Variants in CEP57L1 observed in about 807,000 individuals in gnomAD.
CEP57L1 encodes centrosomal protein CEP57L1.
A neutral mutation model predicts 61.0 loss-of-function variants in CEP57L1; 37 were observed. That is an observed-to-expected ratio of 0.61 (90% CI 0.47 to 0.80). The LOEUF (loss-of-function observed/expected upper bound fraction) is 0.80. CEP57L1 is among the 30% of genes least tolerant of loss of function. The pLI is 0.00. For synonymous variants in CEP57L1, 137 were observed against 162.3 expected, an observed-to-expected ratio of 0.84 and a Z score of 1.19; for missense variants, 422 against 524.7, an observed-to-expected ratio of 0.80 and a Z score of 1.91.
In CEP57L1 at chr6:109,171,803, C is replaced by T. The variant is rs1240339502; in HGVS notation, c.*8833C>T. ...CAGTTTCCTCAGATAATCATCATAT[C>T]AGAGGTCATCATGTATCCTTAGATA... On this transcript the variant is annotated 3_prime_UTR_variant, in exon 11 of 11. Transcript: ENST00000517392. 6.6e-6 allele frequency among the ~76,000 whole-genome samples: 1 copy of T among 152,200 alleles called. No individual in the cohort carries two copies. Among genetic ancestry groups the T allele is most frequent in the Admixed American group, 6.5e-5 (1 of 15,280 alleles).
At chr6:109,136,953 G>A (rs1430537957) in intron 1 of CEP57L1, among the ~76,000 whole-genome samples, 1 of 151,986 alleles carries the variant, frequency 6.6e-6, no homozygotes, top group African/African-American at 2.4e-5. Flanking sequence ...GTTTCTCCAT[G>A]TTGGCCAGGC....
rs148795928 is a variant in CEP57L1 at position 109,128,714 on chromosome 6, T to C, written c.-3-16505T>C. On this transcript the variant is annotated intron_variant, in intron 1 of 10. Transcript: ENST00000517392. ...TTTTTTACTGCCAACATTTATTCAC[T>C]ATACTCCAAACAAATTCACTAGGAT... Among the ~76,000 whole-genome samples, 89 of 152,364 alleles carry C rather than the reference T, an allele frequency of 5.8e-4. 6 individuals carry two copies. In the East Asian group the frequency reaches 9.0e-3, roughly 15 times the overall value.
At chr6:109,113,168 A>T (rs557891919) in intron 1 of CEP57L1, among the ~76,000 whole-genome samples, 53 of 152,264 alleles carry the variant, frequency 3.5e-4, no homozygotes, top group African/African-American at 1.1e-3. Flanking sequence ...GTCTCTAAGA[A>T]CTTGCTTTAT....
At chr6:109,100,672 C>CAAAAAAAAAAAAAAAA (rs539993641) in intron 1 of CEP57L1, among the ~76,000 whole-genome samples, 2 of 74,048 alleles carry the variant, frequency 2.7e-5, no homozygotes, top group Non-Finnish European at 2.6e-5. Context: ...GAGATTGTCT[C>CAAAAAAAAAAAAAAAA]AAAAAAAAAA....
upstream of CEP57L1, chr6:109,095,368 T>G: frequency 8.1e-6 from 8 of 985,890 alleles, no homozygotes; most frequent in Non-Finnish European, 9.6e-6. Flanking sequence ...ACCCTAAAAG[T>G]AGTGACGGCC....
At chr6:109,117,947 T>C (rs1772494801) in intron 1 of CEP57L1, among the ~76,000 whole-genome samples, 2 of 152,226 alleles carry the variant, frequency 1.3e-5, no homozygotes, top group African/African-American at 4.8e-5. Context: ...GTAAGTTAAA[T>C]AAGCACATTG....
chr6:109,145,162 G>A, intron 1 of CEP57L1, 57 bp from the exon 2 acceptor site: 2 of 1,085,050 alleles, frequency 1.8e-6, no homozygotes, highest in Non-Finnish European at 2.5e-6. Flanking sequence ...TTTGTATAAT[G>A]CATTTACCCT....
intron 5 of CEP57L1, 65 bp downstream of exon 5, chr6:109,154,014 T>A (rs1327934439): frequency 1.2e-6 from 1 of 829,960 alleles, no homozygotes; most frequent in African/African-American, 1.7e-5. Context: ...ATTGGTATTT[T>A]ATGTGAATGT....
intron 1 of CEP57L1, among the ~76,000 whole-genome samples, chr6:109,124,534 A>C (rs755367804): frequency 6.6e-6 from 1 of 152,244 alleles, no homozygotes; most frequent in Non-Finnish European, 1.5e-5. Flanking sequence ...TCTGTGCCAC[A>C]GTTTCCTCAT....
chr6:109,152,436 G>A (rs1158804948), intron 4 of CEP57L1, among the ~76,000 whole-genome samples: 1 of 152,112 alleles, frequency 6.6e-6, no homozygotes, highest in Non-Finnish European at 1.5e-5. Flanking sequence ...ACCCACCTTG[G>A]CCTCCCAAAG....
Position 109,173,268 on chromosome 6 carries a change from A to T in CEP57L1, c.*10298A>T, listed in dbSNP as rs1341557123. ...CAAGTTATATTAATAATTTTTATTA[A>T]TTTTTTTCCTGAATCCTAAAAGGTC... On this transcript the variant is annotated 3_prime_UTR_variant, in exon 11 of 11. Transcript: ENST00000517392. Among the ~76,000 whole-genome samples, 11 of 151,858 alleles carry T rather than the reference A, an allele frequency of 7.2e-5. No homozygotes were observed. Among genetic ancestry groups the T allele is most frequent in the Admixed American group, 6.6e-4 (10 of 15,234 alleles).
In CEP57L1 at chr6:109,158,598, A is replaced by T. The variant is rs770553148; in HGVS notation, c.745-427A>T. The stretch of plus-strand genomic sequence containing the variant: ...TGTGAACATAAGTTTTCATTTTTCT[A>T]GGATAAATGCGTAAGAGAACAATTG... On this transcript the variant is annotated intron_variant, in intron 7 of 10. Coordinates refer to ENST00000517392, the MANE Select transcript of CEP57L1 (RefSeq NM_001271852.3). 11 of 455,864 alleles carry T rather than the reference A, an allele frequency of 2.4e-5. 1 individual carries two copies. Among genetic ancestry groups the T allele is most frequent in the South Asian group, 1.7e-4 (11 of 64,120 alleles). The allele number at this position is 455,864 out of a possible 1,614,324, so 28.2% of individuals were successfully genotyped here. A position where few individuals can be genotyped will look rare whatever the true frequency, so the allele number is the denominator to read the frequency against.
intron 1 of CEP57L1, 115 bp from the exon 2 acceptor site, chr6:109,145,104 A>G (rs1357734524): frequency 5.2e-6 from 3 of 571,568 alleles, no homozygotes; most frequent in Admixed American, 6.0e-5. Flanking sequence ...GTTCATAAAG[A>G]TACAACTCCA....
chr6:109,107,154 T>G (rs1187859182), intron 1 of CEP57L1, among the ~76,000 whole-genome samples: 1 of 152,212 alleles, frequency 6.6e-6, no homozygotes, highest in African/African-American at 2.4e-5. Context: ...GCAACTTTTG[T>G]GAACCTAATA....
Position 109,120,912 on chromosome 6 carries a change from GCACACACACACACACA to G in CEP57L1, c.-3-24276_-3-24261del, listed in dbSNP as rs71747421. On this transcript the variant is annotated intron_variant, in intron 1 of 10. Transcript: ENST00000517392. ...AGAAAATTCCTATACTTAGACACAC[GCACACACACACACACA>G]CACACACACACACACACACACACAC... Among the ~76,000 whole-genome samples, 895 of 133,552 alleles carry G rather than the reference GCACACACACACACACA, an allele frequency of 6.7e-3. 5 individuals carry two copies. Among genetic ancestry groups the G allele is most frequent in the South Asian group, 0.038 (153 of 4,058 alleles). 87.6% of individuals were successfully genotyped at this position (133,552 alleles called of 152,430 possible). A position where few individuals can be genotyped will look rare whatever the true frequency, so the allele number is the denominator to read the frequency against.
At chr6:109,143,048 G>A (rs868380812) in intron 1 of CEP57L1, among the ~76,000 whole-genome samples, 34 of 145,652 alleles carry the variant, frequency 2.3e-4, no homozygotes, top group Middle Eastern at 3.5e-3. Context: ...GGCCAAAACT[G>A]TGTTAGCAAT....
chr6:109,148,954 G>T (rs1172223872), intron 3 of CEP57L1, among the ~76,000 whole-genome samples: 1 of 152,128 alleles, frequency 6.6e-6, no homozygotes, highest in Non-Finnish European at 1.5e-5. Context: ...TCGCCCACTT[G>T]TTGATGGGGC....
chr6:109,137,477 T>A (rs1355669769), intron 1 of CEP57L1, among the ~76,000 whole-genome samples: 1 of 152,082 alleles, frequency 6.6e-6, no homozygotes, highest in Admixed American at 6.5e-5. Context: ...AATTTTTGTA[T>A]TTTTAGTAGA....
At chr6:109,141,284 C>T (rs572813551) in intron 1 of CEP57L1, among the ~76,000 whole-genome samples, 3 of 152,118 alleles carry the variant, frequency 2.0e-5, no homozygotes, top group Admixed American at 6.5e-5. Context: ...GGCGCAATCT[C>T]GGCTCACTGC....
Sources: allele counts gnomAD v4.1 joint callset (sites outside exome capture counted in the v4.1 genomes callset), GRCh38; gene constraint gnomAD v4.1.1; transcripts MANE v1.5; gene names NCBI Gene and HGNC (gene_info 2026-07-23, HGNC 2026-07-21).